ANAPC1: variants seen among roughly 807,000 people sequenced by gnomAD.
The protein encoded by ANAPC1 is anaphase-promoting complex subunit 1.
A neutral mutation model predicts 208.0 loss-of-function variants in ANAPC1; 36 were observed. The observed-to-expected ratio is 0.17, with a 90% CI of 0.13 to 0.23. The LOEUF (loss-of-function observed/expected upper bound fraction) is 0.23. Ranked by LOEUF, ANAPC1 falls within the 10% of genes least tolerant of loss-of-function variation. The pLI is 1.00. For synonymous variants in ANAPC1, 378 were observed against 695.2 expected (o/e 0.54, Z 7.18); for missense variants, 942 against 2,011.6 (o/e 0.47, Z 10.17).
At chr2:111,772,735 T>A (rs559407540) in intron 46 of ANAPC1, among the ~76,000 whole-genome samples, 6 of 152,274 alleles carry the variant, frequency 3.9e-5, no homozygotes, top group African/African-American at 1.2e-4. Flanking sequence ...AGGAGTGCTA[T>A]AAAGGTGCAG....
intron 10 of ANAPC1, among the ~76,000 whole-genome samples, chr2:111,859,249 G>A (rs1162490868): frequency 6.6e-5 from 10 of 152,076 alleles, no homozygotes; most frequent in East Asian, 3.9e-4. Context: ...TTGGGAGGCC[G>A]AGGTGGGCAG....
At chr2:111,859,142 A>G (rs548581648) in intron 10 of ANAPC1, among the ~76,000 whole-genome samples, 1 of 152,182 alleles carries the variant, frequency 6.6e-6, no homozygotes, top group South Asian at 2.1e-4. Context: ...CCTCATTCAC[A>G]TCTCTTTTTG....
chr2:111,831,552 T>C, intron 20 of ANAPC1, 118 bp from the exon 21 acceptor site: 1 of 954,294 alleles, frequency 1.0e-6, no homozygotes, highest in Non-Finnish European at 1.6e-6. Context: ...AGAATAATAT[T>C]TTTCCAGCTG....
At position 111,817,047 on chromosome 2, in the gene ANAPC1, G is replaced by A. The variant is rs369449715; in HGVS notation, c.3326-1406C>T. ...AGAGAAAATAAAATGCAAAGGGTAA[G>A]GTAAATTTTCTTCAATGAGAATAAC... On this transcript the variant is annotated intron_variant, in intron 27 of 47. Coordinates refer to ENST00000341068, the MANE Select transcript of ANAPC1 (RefSeq NM_022662.4). Among the ~76,000 whole-genome samples the A allele has an allele frequency of 4.6e-3, 429 of 93,852 alleles. 15 individuals carry two copies. In the East Asian group the frequency reaches 0.086, roughly 19 times the overall value. The allele number at this position is 93,852 out of a possible 152,430, so 61.6% of individuals were successfully genotyped here. A position where few individuals can be genotyped will look rare whatever the true frequency, so the allele number is the denominator to read the frequency against.
intron 2 of ANAPC1, among the ~76,000 whole-genome samples, chr2:111,879,925 C>T (rs1683210719): frequency 2.0e-5 from 3 of 152,082 alleles, no homozygotes. Context: ...TTCTTCTCTC[C>T]TTTAGAAACA....
chr2:111,831,059 G>A lies in ANAPC1; in HGVS notation c.2625+227C>T, dbSNP rs549686262. ...AAACTACTAATTAGCCATAGAATGC[G>A]ATGAACTGTCGATACAGGAAACAAC... On this transcript the variant is annotated intron_variant, in intron 21 of 47. Coordinates refer to ENST00000341068, the MANE Select transcript of ANAPC1 (RefSeq NM_022662.4). Among the ~76,000 whole-genome samples, 7 of 152,288 alleles carry A rather than the reference G, an allele frequency of 4.6e-5. No homozygotes were observed. In the East Asian group the frequency reaches 7.7e-4, roughly 17 times the overall value.
At chr2:111,882,270 G>A (rs1683341347) in intron 1 of ANAPC1, among the ~76,000 whole-genome samples, 1 of 151,714 alleles carries the variant, frequency 6.6e-6, no homozygotes, top group African/African-American at 2.4e-5. Flanking sequence ...CTCCTAGTTC[G>A]GTGGCCCTGC....
At chr2:111,780,885 C>T (rs1677236281) in intron 43 of ANAPC1, 1 of 167,734 alleles carries the variant, frequency 6.0e-6, no homozygotes, top group Non-Finnish European at 1.3e-5. Flanking sequence ...GTATAGATCT[C>T]AGGTCTGCAA....
At chr2:111,844,342 G>A (rs1680933860) in intron 16 of ANAPC1, among the ~76,000 whole-genome samples, 1 of 151,644 alleles carries the variant, frequency 6.6e-6, no homozygotes, top group Non-Finnish European at 1.5e-5. Context: ...GTCAAGGCGG[G>A]TGGATCACCT....
chr2:111,879,289 A>G (rs1250193839), intron 2 of ANAPC1, among the ~76,000 whole-genome samples: 2 of 152,248 alleles, frequency 1.3e-5, no homozygotes, highest in East Asian at 1.9e-4. Context: ...CTAAAAGGAC[A>G]TATTAAGTAT....
At chr2:111,880,885 G>A in intron 1 of ANAPC1, 36 bp from the exon 2 acceptor site, 1 of 1,533,382 alleles carries the variant, frequency 6.5e-7, no homozygotes, top group Non-Finnish European at 9.0e-7. Context: ...TCAGCTTCCA[G>A]ACTCAAAACT....
intron 25 of ANAPC1, 70 bp from the exon 26 acceptor site, chr2:111,821,523 A>T (rs1679534172): frequency 1.4e-6 from 2 of 1,466,654 alleles, no homozygotes; most frequent in South Asian, 2.3e-5. Context: ...ACATGAGGAT[A>T]TATAGGCTGA....
At chr2:111,875,682 C>T (rs1011726652) in intron 3 of ANAPC1, among the ~76,000 whole-genome samples, 1 of 152,186 alleles carries the variant, frequency 6.6e-6, no homozygotes, top group Non-Finnish European at 1.5e-5. Flanking sequence ...GGCAGGCTCC[C>T]TTCAGCACAC....
intron 29 of ANAPC1, among the ~76,000 whole-genome samples, chr2:111,806,343 C>T (rs1490564074): frequency 2.6e-5 from 1 of 37,928 alleles, no homozygotes; most frequent in South Asian, 8.8e-4. Flanking sequence ...ACCAGATGGC[C>T]AACATGGTGA....
intron 33 of ANAPC1, among the ~76,000 whole-genome samples, chr2:111,802,025 T>TA (rs200333141): frequency 0.046 from 6,957 of 150,062 alleles, 406 homozygotes; most frequent in African/African-American, 0.13. Context: ...AACAAAGCAG[T>TA]AAAAAAGTCC....
At chr2:111,881,894 A>G (rs535753959) in intron 1 of ANAPC1, among the ~76,000 whole-genome samples, 2 of 152,226 alleles carry the variant, frequency 1.3e-5, no homozygotes, top group Non-Finnish European at 2.9e-5. Flanking sequence ...CCTCTCTTTA[A>G]AACCTCTGGA....
At chr2:111,813,410 A>G (rs111717432) in intron 28 of ANAPC1, among the ~76,000 whole-genome samples, 5,215 of 152,160 alleles carry the variant, frequency 0.034, 323 homozygotes, top group African/African-American at 0.12. Context: ...TGGCTCCAGG[A>G]CAGACTCTTT....
rs113823002 is a variant in ANAPC1 at position 111,831,846 on chromosome 2, A to G, written c.2477-412T>C. On this transcript the variant is annotated intron_variant, in intron 20 of 47. Coordinates refer to ENST00000341068, the MANE Select transcript of ANAPC1 (RefSeq NM_022662.4). ...TGTCTCAAAAAAAAAAAAAAAAAAAAGAATAACGTTTTTCCATATTCTCCA... is the reference window on the plus strand; with the variant it reads ...TGTCTCAAAAAAAAAAAAAAAAAAAGGAATAACGTTTTTCCATATTCTCCA... 7.1e-3 allele frequency among the ~76,000 whole-genome samples: 628 copies of G among 88,116 alleles called. 46 individuals carry two copies. The highest frequency in any genetic ancestry group is 0.026 in the Middle Eastern group (4 of 152). The allele number at this position is 88,116 out of a possible 152,430, so 57.8% of individuals were successfully genotyped here. A position where few individuals can be genotyped will look rare whatever the true frequency, so the allele number is the denominator to read the frequency against.
intron 7 of ANAPC1, chr2:111,865,932 C>G (rs1438939577): frequency 4.6e-6 from 1 of 217,854 alleles, no homozygotes; most frequent in African/African-American, 2.3e-5. Context: ...CGAGGCTGGG[C>G]AGGTGGCTAA....
Sources: allele counts gnomAD v4.1 joint callset (sites outside exome capture counted in the v4.1 genomes callset), GRCh38; gene constraint gnomAD v4.1.1; transcripts MANE v1.5; gene names NCBI Gene and HGNC (gene_info 2026-07-23, HGNC 2026-07-21).